The following DENND5A variants were observed in gnomAD, a reference collection of about 807,000 sequenced individuals.
DENND5A encodes the protein DENN domain containing 5A.
In DENND5A, 64 loss-of-function variants were observed where a neutral mutation model predicts 140.3. The ratio of observed to expected loss-of-function variants is 0.46; its 90% confidence interval spans 0.37 to 0.56. The LOEUF is 0.56. Among genes scored for constraint, DENND5A ranks in the 20% least tolerant of loss-of-function variants. The pLI is 0.00. For synonymous variants in DENND5A, 605 were observed against 607.7 expected (o/e 1.00, Z 0.07); for missense variants, 1,292 against 1,593.8 (o/e 0.81, Z 3.22).
At chr11:9,233,215 A>G (rs924986254) in intron 1 of DENND5A, among the ~76,000 whole-genome samples, 3 of 152,116 alleles carry the variant, frequency 2.0e-5, no homozygotes, top group Non-Finnish European at 2.9e-5. Context: ...CCTGGCCAGC[A>G]TCGTGAAACC....
At chr11:9,247,383 T>TG (rs1436602195) in intron 1 of DENND5A, among the ~76,000 whole-genome samples, 1 of 151,868 alleles carries the variant, frequency 6.6e-6, no homozygotes, top group East Asian at 1.9e-4. Context: ...TCTACTGCAC[T>TG]GGGCAAGCAG....
Position 9,139,070 on chromosome 11 carries a change from G to C in DENND5A, c.*601C>G, listed in dbSNP as rs1311262284. 1.3e-5 allele frequency: 2 copies of C among 152,598 alleles called. No individual in the cohort carries two copies. The highest frequency in any genetic ancestry group is 2.9e-5 in the Non-Finnish European group (2 of 68,038). 9.5% of individuals were successfully genotyped at this position (152,598 alleles called of 1,614,324 possible). A position where few individuals can be genotyped will look rare whatever the true frequency, so the allele number is the denominator to read the frequency against. ...TACTTCTGTGAAACTGTGCCAACAG[G>C]AAATGTGGTATTTGGCACGATGACA... On this transcript the variant is annotated 3_prime_UTR_variant, in exon 23 of 23. Transcript: ENST00000328194.
At chr11:9,261,588 G>T (rs370417642) in intron 1 of DENND5A, among the ~76,000 whole-genome samples, 4 of 152,084 alleles carry the variant, frequency 2.6e-5, no homozygotes, top group South Asian at 4.2e-4. Context: ...GACCAGCCTG[G>T]CCAACATGGT....
chr11:9,243,572 C>T (rs1168496319), intron 1 of DENND5A, among the ~76,000 whole-genome samples: 1 of 152,148 alleles, frequency 6.6e-6, no homozygotes, highest in African/African-American at 2.4e-5. Flanking sequence ...TGATCCACTT[C>T]CACTTCCTGA....
At chr11:9,251,761 G>A (rs903293513) in intron 1 of DENND5A, among the ~76,000 whole-genome samples, 28 of 152,108 alleles carry the variant, frequency 1.8e-4, no homozygotes, top group African/African-American at 6.5e-4. Flanking sequence ...AGGCCGAGGC[G>A]GGCGGATTCC....
rs1200013461 is a variant in DENND5A at position 9,145,817 on chromosome 11, T to C, written c.2858-2A>G. On this transcript the variant is annotated splice_acceptor_variant, in intron 16 of 22. Coordinates refer to ENST00000328194, the MANE Select transcript of DENND5A (RefSeq NM_015213.4). LOFTEE classifies it high-confidence loss of function. ...CGATCAGAATGTGGTACGGGATCAC[T>C]GTTTAGGGGAAGCCACAAAAGTATT... is the stretch of plus-strand genomic sequence containing the variant. 2 of 1,614,178 alleles carry C rather than the reference T, an allele frequency of 1.2e-6. No homozygotes were observed. The highest frequency in any genetic ancestry group is 1.7e-6 in the Non-Finnish European group (2 of 1,180,008).
At chr11:9,241,502 CCCA>C (rs1342261641) in intron 1 of DENND5A, among the ~76,000 whole-genome samples, 4 of 152,160 alleles carry the variant, frequency 2.6e-5, no homozygotes, top group African/African-American at 7.2e-5. Flanking sequence ...ATCTCATCTT[CCCA>C]CCACTTGTCC....
At chr11:9,259,789 G>A (rs927307088) in intron 1 of DENND5A, among the ~76,000 whole-genome samples, 2 of 152,072 alleles carry the variant, frequency 1.3e-5, no homozygotes, top group African/African-American at 4.8e-5. Flanking sequence ...AATACTTTGG[G>A]AGGCCAATGC....
intron 13 of DENND5A, 88 bp downstream of exon 13, chr11:9,152,270 C>T: frequency 1.0e-6 from 1 of 991,204 alleles, no homozygotes; most frequent in East Asian, 2.4e-5. Flanking sequence ...CTTCTTCGAC[C>T]TGGAATAGTT....
At position 9,164,194 on chromosome 11, in the gene DENND5A, ATTTTTTTTTTTTTT is replaced by A. The variant is rs779522112; in HGVS notation, c.2283+1628_2283+1641del. 1.6e-3 allele frequency among the ~76,000 whole-genome samples: 124 copies of A among 79,066 alleles called. 1 individual carries two copies. Among genetic ancestry groups the A allele is most frequent in the South Asian group, 4.5e-3 (10 of 2,198 alleles). The allele number at this position is 79,066 out of a possible 152,430, so 51.9% of individuals were successfully genotyped here. ...CTAAAGGTGTGCACCACCACGCCTAATTTTTTTTTTTTTTTTTTTTTTTTTTTTTTTTTTTTTTA... is the reference window on the plus strand; with the variant it reads ...CTAAAGGTGTGCACCACCACGCCTAATTTTTTTTTTTTTTTTTTTTTTTTA... On this transcript the variant is annotated intron_variant, in intron 11 of 22. Transcript: ENST00000328194.
Position 9,206,725 on chromosome 11 carries a change from C to T in DENND5A, c.239G>A (p.Arg80Gln), listed in dbSNP as rs1180128752. The part of the protein sequence containing the change: ...RRTFKSKVLA[R>Q]YPENVEWNPF... Reference sequence around the variant, plus strand: ...ATTCCATTCTACGTTCTCAGGATATCGTGCAAGGACCTTAGATTTGAATGT... The same window carrying T: ...ATTCCATTCTACGTTCTCAGGATATTGTGCAAGGACCTTAGATTTGAATGT... The change falls in exon 3 of 23, where the codon CGA (arginine) becomes CAA (glutamine). Residue 80 changes from arginine to glutamine, a missense_variant. Arg to Gln is a conservative substitution (Grantham distance 43). Coordinates refer to ENST00000328194, the MANE Select transcript of DENND5A (RefSeq NM_015213.4). 4 of 1,613,886 alleles carry T rather than the reference C, an allele frequency of 2.5e-6. No individual in the cohort carries two copies. The highest frequency in any genetic ancestry group is 3.4e-6 in the Non-Finnish European group (4 of 1,179,900).
chr11:9,252,221 C>T (rs904498126), intron 1 of DENND5A, among the ~76,000 whole-genome samples: 15 of 148,690 alleles, frequency 1.0e-4, no homozygotes, highest in African/African-American at 3.7e-4. Context: ...TCGCTTGAAC[C>T]CGGGAGGCAG....
intron 1 of DENND5A, among the ~76,000 whole-genome samples, chr11:9,211,867 T>C (rs934607857): frequency 6.7e-6 from 1 of 148,206 alleles, no homozygotes; most frequent in Admixed American, 6.9e-5. Flanking sequence ...GAGGTGGAGA[T>C]TTCAGTAAGC....
intron 1 of DENND5A, among the ~76,000 whole-genome samples, chr11:9,252,550 G>C (rs7938562): frequency 0.21 from 31,289 of 151,962 alleles, 3,386 homozygotes; most frequent in African/African-American, 0.25. Context: ...AGGAGGCTGA[G>C]GCAGAAGAAT....
rs975611524 is a variant in DENND5A, at chr11:9,237,449, C to T, written c.109+27512G>A. ...AGAAAAAAAGATATGTTCTTCCTAG[C>T]AGATTGGAAACGTTTCAGAAAAGCG... On this transcript the variant is annotated intron_variant, in intron 1 of 22. Transcript: ENST00000328194. Among the ~76,000 whole-genome samples, 4 of 152,140 alleles carry T rather than the reference C, an allele frequency of 2.6e-5. No homozygotes were observed. The East Asian group carries it at 5.8e-4, about 22-fold the overall frequency.
rs796637112 is a variant in DENND5A at position 9,143,875 on chromosome 11, A to G, written c.3304+222T>C. On this transcript the variant is annotated intron_variant, in intron 19 of 22. Transcript: ENST00000328194. ...ATATACAGCGCCCAGGTTTGGCAGC[A>G]TGAGTTCTCTCCTCTCCTGCCAGCC... 7.2e-5 allele frequency among the ~76,000 whole-genome samples: 11 copies of G among 152,324 alleles called. 1 individual carries two copies. Among genetic ancestry groups the G allele is most frequent in the African/African-American group, 2.6e-4 (11 of 41,580 alleles).
In DENND5A at chr11:9,142,005, G is replaced by A; in HGVS notation, c.3615C>T (p.Ile1205=). Residue 1205 remains isoleucine (I), a synonymous_variant, in exon 22 of 23, where the codon ATC becomes ATT. Transcript: ENST00000328194. The stretch of plus-strand genomic sequence containing the variant: ...TGCCGATGTTCCGGGGAGTATTGTT[G>A]ATTGCAGTGACAAATCGGCAGAAGT... ...ARNFCRFVTA[I]NNTPRNIGKD... The A allele has an allele frequency of 6.2e-7, 1 of 1,607,096 alleles. No individual in the cohort carries two copies. Among genetic ancestry groups the A allele is most frequent in the East Asian group, 2.2e-5 (1 of 44,658 alleles).
chr11:9,226,576 T>C (rs1413427630), intron 1 of DENND5A, among the ~76,000 whole-genome samples: 3 of 152,238 alleles, frequency 2.0e-5, no homozygotes, highest in African/African-American at 7.2e-5. Context: ...TAAAATACTC[T>C]TCTTGAAGAA....
chr11:9,144,069 T>A lies in DENND5A; in HGVS notation c.3304+28A>T, dbSNP rs1238260149. 9 of 1,604,344 alleles carry A rather than the reference T, an allele frequency of 5.6e-6. No individual in the cohort carries two copies. The South Asian group carries it at 1.0e-4, about 18-fold the overall frequency. ...CACCCATTCCCTAGACTGTATGGCA[T>A]GAGGGCCCAACCCCTCCTCCCACTT... On this transcript the variant is annotated intron_variant, in intron 19 of 22. Transcript: ENST00000328194.
Sources: gnomAD v4.1 joint callset for allele counts (sites outside exome capture counted in the v4.1 genomes callset) on GRCh38, gnomAD v4.1.1 for gene constraint, MANE v1.5 for transcripts, NCBI Gene and HGNC (gene_info 2026-07-23, HGNC 2026-07-21) for gene names.